Variants in BACH2 observed in about 807,000 individuals in gnomAD.
BACH2 encodes the protein transcription regulator protein BACH2.
In BACH2, 5 loss-of-function variants were observed where a neutral mutation model predicts 61.8. That is an observed-to-expected ratio of 0.08 (90% CI 0.04 to 0.17). The LOEUF is 0.17. BACH2 is among the 10% of genes least tolerant of loss of function. The pLI, the probability that BACH2 is intolerant of heterozygous loss-of-function variation, is 1.00. For synonymous variants in BACH2, 446 were observed against 440.1 expected, an observed-to-expected ratio of 1.01 and a Z score of -0.17; for missense variants, 824 against 1,091.1, an observed-to-expected ratio of 0.76 and a Z score of 3.45.
At chr6:90,232,003 G>C (rs1226007176) in intron 3 of BACH2, among the ~76,000 whole-genome samples, 1 of 151,934 alleles carries the variant, frequency 6.6e-6, no homozygotes, top group African/African-American at 2.4e-5. Flanking sequence ...GAGAGAGAGA[G>C]AGAGAGAGAG....
At chr6:90,033,808 G>A (rs778754708) in intron 5 of BACH2, among the ~76,000 whole-genome samples, 2 of 152,024 alleles carry the variant, frequency 1.3e-5, no homozygotes, top group Admixed American at 6.6e-5. Flanking sequence ...TAAAATGCCC[G>A]ACAATGTTTC....
In BACH2 at chr6:90,234,349, G is replaced by A. The variant is rs546084998; in HGVS notation, c.-275+18164C>T. 2.0e-5 allele frequency among the ~76,000 whole-genome samples: 3 copies of A among 152,332 alleles called. No homozygotes were observed. In the East Asian group the frequency reaches 5.8e-4, roughly 29 times the overall value. ...TCCAGAGAGCATGCTCCCCAGCAAGGACCTGTACAGTAGGGCTGTGAGTTG... is the reference window on the plus strand; with the variant it reads ...TCCAGAGAGCATGCTCCCCAGCAAGAACCTGTACAGTAGGGCTGTGAGTTG... On this transcript the variant is annotated intron_variant, in intron 3 of 8. Coordinates refer to ENST00000257749, the MANE Select transcript of BACH2 (RefSeq NM_021813.4).
At position 89,950,109 on chromosome 6, in the gene BACH2, C is replaced by T. The variant is rs1773986140; in HGVS notation, c.1836+161G>A. 3 of 809,588 alleles carry T rather than the reference C, an allele frequency of 3.7e-6. No homozygotes were observed. Among genetic ancestry groups the T allele is most frequent in the East Asian group, 2.6e-5 (1 of 38,830 alleles). 50.2% of individuals were successfully genotyped at this position (809,588 alleles called of 1,614,324 possible). ...GACAGAAGTGGTTAATGTGGAATCA[C>T]CTTCAGCATCCTGCCTCTGTGGATG... On this transcript the variant is annotated intron_variant, in intron 7 of 8. Transcript: ENST00000257749. The surrounding 1 kb of genome is among the most constrained non-coding windows in gnomAD (Gnocchi z 5.3).
In BACH2 at chr6:89,991,587, C is replaced by T. The variant is rs147167998; in HGVS notation, c.243+17015G>A. Among the ~76,000 whole-genome samples, 8 of 152,190 alleles carry T rather than the reference C, an allele frequency of 5.3e-5. No homozygotes were observed. The East Asian group carries it at 1.2e-3, about 22-fold the overall frequency. On this transcript the variant is annotated intron_variant, in intron 6 of 8. Coordinates refer to ENST00000257749, the MANE Select transcript of BACH2 (RefSeq NM_021813.4). ...TACTTCTGCATATATCTCCTGAGAA[C>T]GAGAACATTCTACATAACCAAAATA...
At chr6:90,004,549 G>A (rs181234462) in intron 6 of BACH2, among the ~76,000 whole-genome samples, 5 of 152,280 alleles carry the variant, frequency 3.3e-5, no homozygotes, top group Admixed American at 2.0e-4. Flanking sequence ...AAGGAGCCAG[G>A]CAGCCACGTA....
intron 5 of BACH2, among the ~76,000 whole-genome samples, chr6:90,059,981 G>A (rs1221626216): frequency 8.7e-6 from 1 of 115,194 alleles, no homozygotes; most frequent in Non-Finnish European, 1.8e-5. Context: ...GTTGTGGGGT[G>A]GGGGGAGGGG....
At chr6:90,016,003 C>T (rs2127783400) in intron 5 of BACH2, among the ~76,000 whole-genome samples, 1 of 152,224 alleles carries the variant, frequency 6.6e-6, no homozygotes, top group South Asian at 2.1e-4. Context: ...ATTCCTTTAT[C>T]ACTATGAAGT....
At chr6:89,994,630 C>T (rs1224253867) in intron 6 of BACH2, among the ~76,000 whole-genome samples, 1 of 152,104 alleles carries the variant, frequency 6.6e-6, no homozygotes, top group Non-Finnish European at 1.5e-5. Context: ...CCACTGGTGG[C>T]TTTAGAGAGA....
intron 3 of BACH2, among the ~76,000 whole-genome samples, chr6:90,222,730 T>G (rs1441560527): frequency 2.0e-5 from 3 of 152,204 alleles, no homozygotes; most frequent in African/African-American, 7.2e-5. Context: ...TAAAACTTCC[T>G]CGTTCTTTAT....
At chr6:90,258,580 AT>A (rs1356689070) in intron 2 of BACH2, among the ~76,000 whole-genome samples, 2 of 152,076 alleles carry the variant, frequency 1.3e-5, no homozygotes, top group Admixed American at 6.5e-5. Flanking sequence ...TTTAAGAAGC[AT>A]TTTTTCTATT....
intron 5 of BACH2, among the ~76,000 whole-genome samples, chr6:90,045,974 T>C (rs567224133): frequency 6.6e-6 from 1 of 152,284 alleles, no homozygotes; most frequent in African/African-American, 2.4e-5. Flanking sequence ...GAGGACTCTG[T>C]TCATATCTGC....
intron 3 of BACH2, among the ~76,000 whole-genome samples, chr6:90,216,566 T>C (rs1769545600): frequency 6.6e-6 from 1 of 152,358 alleles, no homozygotes. Flanking sequence ...AGAGAGGTTG[T>C]TCTGCATAAC....
rs1779553239 is a variant in BACH2, at chr6:90,041,874, A to G, written c.-12-33018T>C. On this transcript the variant is annotated intron_variant, in intron 5 of 8. Coordinates refer to ENST00000257749, the MANE Select transcript of BACH2 (RefSeq NM_021813.4). ...GTTTTTGAATTCAGGATTTTTTGAT[A>G]TACTTTTATTTCCTTCCTGCTATAT... Among the ~76,000 whole-genome samples the G allele has an allele frequency of 2.0e-5, 3 of 152,106 alleles. No individual in the cohort carries two copies. In the South Asian group the frequency reaches 6.2e-4, roughly 32 times the overall value.
At chr6:90,294,254 C>T (rs760385765) in intron 1 of BACH2, among the ~76,000 whole-genome samples, 1 of 152,168 alleles carries the variant, frequency 6.6e-6, no homozygotes, top group Non-Finnish European at 1.5e-5. Context: ...TTCATGATTA[C>T]CAAATGGCAA....
At chr6:89,948,685 G>T (rs1773893676) in intron 7 of BACH2, among the ~76,000 whole-genome samples, 1 of 152,138 alleles carries the variant, frequency 6.6e-6, no homozygotes, top group South Asian at 2.1e-4. Flanking sequence ...CACAAAAGAG[G>T]TCAGAGGGAA....
At chr6:90,198,404 T>C (rs968512020) in intron 4 of BACH2, among the ~76,000 whole-genome samples, 2 of 152,226 alleles carry the variant, frequency 1.3e-5, no homozygotes, top group Non-Finnish European at 2.9e-5. Context: ...GCTGCAGCCA[T>C]ATTTCAAAGA....
chr6:90,198,752 G>T (rs1270211809), intron 4 of BACH2, among the ~76,000 whole-genome samples: 1 of 152,144 alleles, frequency 6.6e-6, no homozygotes, highest in Non-Finnish European at 1.5e-5. Flanking sequence ...GTACAAAAAG[G>T]TTCAGATTTT....
intron 4 of BACH2, among the ~76,000 whole-genome samples, chr6:90,128,040 A>C (rs890072678): frequency 1.5e-4 from 23 of 151,646 alleles, no homozygotes; most frequent in Middle Eastern, 3.4e-3. Flanking sequence ...ATGCCCCCCC[A>C]TCTCCATTTC....
In BACH2 at chr6:89,932,732, T is replaced by C. The variant is rs758209574; in HGVS notation, c.2202A>G (p.Arg734=). The C allele has an allele frequency of 4.3e-6, 7 of 1,614,010 alleles. No homozygotes were observed. In the Admixed American group the frequency reaches 1.0e-4, roughly 23 times the overall value. Residue 734 remains arginine, a synonymous_variant, in exon 9 of 9, where the codon AGA becomes AGG. Transcript: ENST00000257749. ...QALHRYCPVL[R]PMDLPTASSI... is the part of the protein sequence containing the mutation. ...TGGAGGCCGTGGGCAAGTCCATGGG[T>C]CTGAGGACAGGGCAATACCGATGCA...
Sources: allele counts gnomAD v4.1 joint callset (sites outside exome capture counted in the v4.1 genomes callset), GRCh38; gene constraint gnomAD v4.1.1; non-coding constraint Gnocchi (gnomAD v3.1); transcripts MANE v1.5; gene names NCBI Gene and HGNC (gene_info 2026-07-23, HGNC 2026-07-21).